Variants in NOS1 observed in about 807,000 individuals in gnomAD.
The protein encoded by NOS1 is NOS type I.
In NOS1, 51 loss-of-function variants were observed where a neutral mutation model predicts 164.5. The observed-to-expected ratio is 0.31, with a 90% confidence interval of 0.25 to 0.39. The LOEUF is 0.39. Among genes scored for constraint, NOS1 ranks in the 10% least tolerant of loss-of-function variants. NOS1 has a pLI of 1.00. For missense variants in NOS1, 1,362 were observed against 1,885.6 expected, an observed-to-expected ratio of 0.72 and a Z score of 5.14; for synonymous variants, 719 against 745.8, an observed-to-expected ratio of 0.96 and a Z score of 0.59.
chr12:117,315,356 A>G (rs1874624258), intron 2 of NOS1, among the ~76,000 whole-genome samples: 1 of 152,038 alleles, frequency 6.6e-6, no homozygotes, highest in African/African-American at 2.4e-5. Context: ...GGTACACACC[A>G]CCACACCCAA....
intron 3 of NOS1, among the ~76,000 whole-genome samples, chr12:117,291,706 T>C (rs978648806): frequency 1.3e-5 from 2 of 151,844 alleles, no homozygotes; most frequent in Admixed American, 1.3e-4. Flanking sequence ...GCTAATTTCT[T>C]ATATATTTTG....
rs757780284 is a variant in NOS1 at position 117,226,690 on chromosome 12, C to G, written c.3697G>C (p.Val1233Leu). 6.2e-7 allele frequency: 1 copy of G among 1,613,846 alleles called. No individual in the cohort carries two copies. Among genetic ancestry groups the G allele is most frequent in the South Asian group, 1.1e-5 (1 of 91,060 alleles). ...IQADELVPCF[V>L]RGAPSFHLPR... Reference sequence around the variant, plus strand: ...TCTCCACTTATTACTCACCCTCTCACGAAACAGGGGACCAGTTCGTCAGCC... The same window carrying G: ...TCTCCACTTATTACTCACCCTCTCAGGAAACAGGGGACCAGTTCGTCAGCC... The change falls in exon 24 of 29, where the codon GTG becomes CTG. Residue 1233 changes from valine (V) to leucine (L), a missense_variant. Val to Leu is a conservative substitution (Grantham distance 32). Transcript: ENST00000317775.
chr12:117,323,296 G>A (rs968477157), intron 2 of NOS1, among the ~76,000 whole-genome samples: 2 of 152,198 alleles, frequency 1.3e-5, no homozygotes, highest in African/African-American at 4.8e-5. Flanking sequence ...GCTACAACAG[G>A]CCAGGGGCAC....
At chr12:117,237,677 GAA>G (rs11411313) in intron 20 of NOS1, among the ~76,000 whole-genome samples, 20 of 147,814 alleles carry the variant, frequency 1.4e-4, no homozygotes, top group Admixed American at 2.0e-4. Context: ...GCATTAAATG[GAA>G]AAAAAAAAAC....
chr12:117,231,843 A>G, intron 22 of NOS1, 119 bp downstream of exon 22: 2 of 1,096,776 alleles, frequency 1.8e-6, no homozygotes, highest in South Asian at 3.1e-5. Context: ...ACAGCAAATA[A>G]TGGCCCCCTT....
intron 3 of NOS1, among the ~76,000 whole-genome samples, chr12:117,292,771 T>G (rs1217104766): frequency 1.3e-5 from 2 of 152,042 alleles, no homozygotes; most frequent in Admixed American, 6.6e-5. Flanking sequence ...GTTTATTGAG[T>G]AGTTCCTATG....
At chr12:117,305,031 C>T (rs980772854) in intron 3 of NOS1, 3 of 985,316 alleles carry the variant, frequency 3.0e-6, no homozygotes, top group Non-Finnish European at 1.2e-6. Flanking sequence ...CCTGCCCAGC[C>T]ATTTCTCAAC....
At chr12:117,224,892 C>G (rs1369559253) in intron 25 of NOS1, 124 bp downstream of exon 25, 1 of 1,304,238 alleles carries the variant, frequency 7.7e-7, no homozygotes, top group African/African-American at 1.4e-5. Context: ...CTACACGCCC[C>G]AGCTTTTCTG....
At chr12:117,236,003 A>C (rs1869676982) in intron 20 of NOS1, among the ~76,000 whole-genome samples, 1 of 151,652 alleles carries the variant, frequency 6.6e-6, no homozygotes, top group Non-Finnish European at 1.5e-5. Context: ...AAACTGCACC[A>C]CTGCATTCCA....
At chr12:117,265,207 T>C in intron 12 of NOS1, 109 bp downstream of exon 12, 1 of 932,360 alleles carries the variant, frequency 1.1e-6, no homozygotes, top group Admixed American at 3.5e-5. Context: ...CAGCCACATG[T>C]GGCTATTGAG....
intron 28 of NOS1, among the ~76,000 whole-genome samples, chr12:117,216,727 C>T (rs1956617603): frequency 6.6e-6 from 1 of 152,046 alleles, no homozygotes; most frequent in Non-Finnish European, 1.5e-5. Flanking sequence ...AATTCACCCA[C>T]CTCAGCTTCC....
rs1285680805 is a variant in NOS1 at position 117,330,874 on chromosome 12, C to T, written c.196G>A (p.Ala66Thr). The change falls in exon 2 of 29, where the codon GCG (alanine) becomes ACG (threonine). Residue 66 changes from alanine (A) to threonine (T), a missense_variant. Physicochemically the swap from Ala to Thr is moderately conservative, Grantham distance 58. Coordinates refer to ENST00000317775, the MANE Select transcript of NOS1 (RefSeq NM_000620.5). The surrounding 1 kb of genome is among the most constrained non-coding windows in gnomAD (Gnocchi z 4.6). The stretch of plus-strand genomic sequence containing the variant: ...TCCACCAAGGGCCGGCCGTTGACCG[C>T]AAGAATGATGTCTCCGGCCTGGATG... ...GLIQAGDIIL[A>T]VNGRPLVDLS... The T allele has an allele frequency of 6.2e-7, 1 of 1,614,030 alleles. No homozygotes were observed. The highest frequency in any genetic ancestry group is 1.3e-5 in the African/African-American group (1 of 74,940).
At chr12:117,293,848 C>A (rs1013081287) in intron 3 of NOS1, among the ~76,000 whole-genome samples, 1 of 152,040 alleles carries the variant, frequency 6.6e-6, no homozygotes, top group Admixed American at 6.6e-5. Flanking sequence ...TACTTTCTAG[C>A]CTGTCTAAGT....
chr12:117,291,636 C>A (rs1873071782), intron 3 of NOS1, among the ~76,000 whole-genome samples: 2 of 148,342 alleles, frequency 1.3e-5, no homozygotes, highest in Admixed American at 1.4e-4. Flanking sequence ...TAGGCTCAAG[C>A]AATCCTTCCA....
intron 16 of NOS1, among the ~76,000 whole-genome samples, chr12:117,256,468 G>A (rs1039865005): frequency 2.0e-5 from 3 of 151,552 alleles, no homozygotes; most frequent in East Asian, 2.0e-4. Flanking sequence ...TAGTAGAGAC[G>A]GGTTTCACCA....
chr12:117,251,439 C>A (rs1332065933), intron 17 of NOS1, among the ~76,000 whole-genome samples: 1 of 152,050 alleles, frequency 6.6e-6, no homozygotes, highest in Non-Finnish European at 1.5e-5. Flanking sequence ...CCATCACAAT[C>A]TTCAGCTTAT....
rs1873379789 is a variant in NOS1 at position 117,278,754 on chromosome 12, AAAT to A, written c.1525-659_1525-657del. Among the ~76,000 whole-genome samples the A allele has an allele frequency of 2.0e-5, 3 of 151,012 alleles. No homozygotes were observed. The South Asian group carries it at 6.2e-4, about 31-fold the overall frequency. On this transcript the variant is annotated intron_variant, in intron 8 of 28. Coordinates refer to ENST00000317775, the MANE Select transcript of NOS1 (RefSeq NM_000620.5). ...CTAGGCTTCTTCAAATCATGGGAGA[AAAT>A]AATATTAATAATATACTCATCTTAA...
At chr12:117,221,818 A>AT (rs3070338) in intron 26 of NOS1, among the ~76,000 whole-genome samples, 1,986 of 111,518 alleles carry the variant, frequency 0.018, 38 homozygotes, top group African/African-American at 0.038. Flanking sequence ...GCTAACTTAA[A>AT]TTTTTTTTTT....
chr12:117,337,680 C>T (rs1875903187), intron 1 of NOS1, among the ~76,000 whole-genome samples: 1 of 152,168 alleles, frequency 6.6e-6, no homozygotes, highest in Admixed American at 6.6e-5. Context: ...TGGGAATAGG[C>T]ATGGTGGGGG....
Sources: allele counts gnomAD v4.1 joint callset (sites outside exome capture counted in the v4.1 genomes callset), GRCh38; gene constraint gnomAD v4.1.1; non-coding constraint Gnocchi (gnomAD v3.1); transcripts MANE v1.5; gene names NCBI Gene and HGNC (gene_info 2026-07-23, HGNC 2026-07-21).